The following IFNGR2 variants were observed in gnomAD, a reference collection of about 807,000 sequenced individuals.
The protein encoded by IFNGR2 is IFN-gamma receptor 2.
In IFNGR2, 15 loss-of-function variants were observed where a neutral mutation model predicts 41.1. That is an observed-to-expected ratio of 0.37 (90% confidence interval 0.24 to 0.56). The LOEUF is 0.56. IFNGR2 is among the 20% of genes least tolerant of loss of function. The probability of loss-of-function intolerance (pLI) is 0.81; values close to 1 mark genes in which losing one functional copy is unlikely to be tolerated. For missense variants in IFNGR2, 362 were observed against 415.7 expected (o/e 0.87, Z 1.12); for synonymous variants, 161 against 171.6 (o/e 0.94, Z 0.48).
chr21:33,432,768 T>C lies in IFNGR2; in HGVS notation c.776T>C (p.Leu259Pro). The C allele has an allele frequency of 6.2e-7, 1 of 1,614,208 alleles. No individual in the cohort carries two copies. Among genetic ancestry groups the C allele is most frequent in the Non-Finnish European group, 8.5e-7 (1 of 1,180,022 alleles). The part of the protein sequence containing the change: ...ILISVGTFSL[L>P]SVLAGACFFL... ...ATCTCCGTGGGAACATTTTCGTTGC[T>C]GTCGGTGCTGGCAGGAGCCTGTTTC... Residue 259 changes from leucine to proline, a missense_variant, in exon 6 of 7, where the codon CTG becomes CCG. By Grantham distance (98) the Leu-to-Pro change is moderately conservative (BLOSUM62 -3). Transcript: ENST00000290219.
At position 33,432,890 on chromosome 21, in the gene IFNGR2, C is replaced by CTTTT; in HGVS notation, c.879+29_879+32dup. The CTTTT allele has an allele frequency of 3.4e-6, 5 of 1,477,658 alleles. No individual in the cohort carries two copies. The highest frequency in any genetic ancestry group is 2.3e-5 in the South Asian group (2 of 85,216). The allele number at this position is 1,477,658 out of a possible 1,614,324, so 91.5% of individuals were successfully genotyped here. A position where few individuals can be genotyped will look rare whatever the true frequency, so the allele number is the denominator to read the frequency against. On this transcript the variant is annotated intron_variant, in intron 6 of 6. Coordinates refer to ENST00000290219, the MANE Select transcript of IFNGR2 (RefSeq NM_005534.4). ...AGAAGAGGTACGTGTGCACACATCT[C>CTTTT]TTTTTTTTTTTTTGAGACAGGGTCT...
chr21:33,404,310 G>T (rs1032802793), intron 1 of IFNGR2, among the ~76,000 whole-genome samples: 18 of 152,226 alleles, frequency 1.2e-4, no homozygotes, highest in Admixed American at 3.3e-4. Context: ...TTGACACTGG[G>T]TGTGAAATCT....
intron 4 of IFNGR2, among the ~76,000 whole-genome samples, chr21:33,430,240 C>G (rs1449739354): frequency 6.6e-6 from 1 of 152,200 alleles, no homozygotes; most frequent in Non-Finnish European, 1.5e-5. Context: ...AGGCCTGTTA[C>G]GTTAGCTCTT....
At chr21:33,428,399 A>T (rs1020644254) in intron 4 of IFNGR2, among the ~76,000 whole-genome samples, 8 of 149,940 alleles carry the variant, frequency 5.3e-5, no homozygotes, top group Non-Finnish European at 8.9e-5. Context: ...ATATTTTTAA[A>T]TTTTTTTTTA....
At chr21:33,427,085 C>T (rs2083844948) in intron 4 of IFNGR2, 53 bp downstream of exon 4, 5 of 1,530,092 alleles carry the variant, frequency 3.3e-6, no homozygotes, top group Non-Finnish European at 4.5e-6. Flanking sequence ...CAGTTTCTGG[C>T]TTAGCAAAAG....
At chr21:33,407,850 C>CT (rs1359968195) in intron 1 of IFNGR2, among the ~76,000 whole-genome samples, 1 of 143,462 alleles carries the variant, frequency 7.0e-6, no homozygotes, top group Non-Finnish European at 1.5e-5. Flanking sequence ...CACCGCACCC[C>CT]CCCCCGCCAA....
chr21:33,417,809 C>T (rs1297786005), intron 2 of IFNGR2, among the ~76,000 whole-genome samples: 5 of 151,848 alleles, frequency 3.3e-5, no homozygotes, highest in Admixed American at 3.3e-4. Flanking sequence ...AGGCTTGATG[C>T]TGATTTATGG....
At chr21:33,415,987 C>G (rs1257101184) in intron 2 of IFNGR2, among the ~76,000 whole-genome samples, 1 of 152,188 alleles carries the variant, frequency 6.6e-6, no homozygotes, top group East Asian at 1.9e-4. Context: ...TCCTGAGTAG[C>G]TGGGACTACA....
chr21:33,435,100 T>TC (rs2123378369), intron 6 of IFNGR2, among the ~76,000 whole-genome samples: 1 of 152,346 alleles, frequency 6.6e-6, no homozygotes, highest in East Asian at 1.9e-4. Flanking sequence ...CCAGTATCTT[T>TC]CAGCATTTCC....
At chr21:33,419,031 G>GAAAAT (rs1020388496) in intron 2 of IFNGR2, among the ~76,000 whole-genome samples, 1 of 152,112 alleles carries the variant, frequency 6.6e-6, no homozygotes, top group South Asian at 2.1e-4. Flanking sequence ...AAAAGTAGAA[G>GAAAAT]AAAATAAAAT....
chr21:33,407,097 C>CA (rs2083682876), intron 1 of IFNGR2, among the ~76,000 whole-genome samples: 1 of 152,084 alleles, frequency 6.6e-6, no homozygotes, highest in African/African-American at 2.4e-5. Context: ...ATGTAACCAA[C>CA]AGCACAAGTG....
chr21:33,422,614 C>T (rs549638790), intron 3 of IFNGR2, among the ~76,000 whole-genome samples: 2 of 152,054 alleles, frequency 1.3e-5, no homozygotes, highest in Non-Finnish European at 2.9e-5. Context: ...CGGTGGCTCA[C>T]GCCTATAATC....
At chr21:33,411,660 G>A in intron 1 of IFNGR2, 1 of 367,362 alleles carries the variant, frequency 2.7e-6, no homozygotes, top group Non-Finnish European at 5.6e-6. Context: ...CCCAAAAGAT[G>A]GAGCAGAGGC....
At chr21:33,407,599 G>A (rs1448602538) in intron 1 of IFNGR2, among the ~76,000 whole-genome samples, 1 of 152,124 alleles carries the variant, frequency 6.6e-6, no homozygotes, top group Non-Finnish European at 1.5e-5. Context: ...ATGTCCAGTT[G>A]TTGTTGTTGT....
chr21:33,415,073 G>A (rs56010196), intron 2 of IFNGR2, 53 bp downstream of exon 2: 355 of 1,604,348 alleles, frequency 2.2e-4, no homozygotes, highest in Non-Finnish European at 2.7e-4. Flanking sequence ...GGCATCGTGC[G>A]GAACCCTGGG....
chr21:33,432,100 T>G, intron 4 of IFNGR2, 77 bp from the exon 5 acceptor site: 1 of 1,331,166 alleles, frequency 7.5e-7, no homozygotes, highest in Admixed American at 1.7e-5. Context: ...CACAGTGAAT[T>G]TGAGGAAACA....
intron 2 of IFNGR2, among the ~76,000 whole-genome samples, chr21:33,415,233 C>T (rs751171351): frequency 1.3e-5 from 2 of 152,210 alleles, no homozygotes; most frequent in East Asian, 1.9e-4. Flanking sequence ...GTCAGGACTC[C>T]GCTGTCTAAC....
intron 2 of IFNGR2, among the ~76,000 whole-genome samples, chr21:33,419,044 C>A (rs1254595980): frequency 2.6e-5 from 4 of 152,118 alleles, no homozygotes; most frequent in African/African-American, 4.8e-5. Context: ...AATAAAATAA[C>A]CTGTTGTTCT....
At chr21:33,422,799 C>A (rs1471509191) in intron 3 of IFNGR2, among the ~76,000 whole-genome samples, 1 of 144,266 alleles carries the variant, frequency 6.9e-6, no homozygotes, top group Non-Finnish European at 1.5e-5. Context: ...ATCGCTTGAA[C>A]CGGGGAGGCA....
Sources: gnomAD v4.1 joint callset for allele counts (sites outside exome capture counted in the v4.1 genomes callset) on GRCh38, gnomAD v4.1.1 for gene constraint, MANE v1.5 for transcripts, NCBI Gene and HGNC (gene_info 2026-07-23, HGNC 2026-07-21) for gene names.